Variants in PPP4R4 observed in about 807,000 individuals in gnomAD.
PPP4R4 encodes the protein serine/threonine-protein phosphatase 4 regulatory subunit 4.
A neutral mutation model predicts 121.8 loss-of-function variants in PPP4R4; 70 were observed. The observed-to-expected ratio is 0.57, with a 90% CI of 0.47 to 0.70. PPP4R4 has a LOEUF of 0.70. PPP4R4 is among the 30% of genes least tolerant of loss of function. PPP4R4 has a pLI of 0.00. For missense variants in PPP4R4, 875 were observed against 1,033.6 expected (o/e 0.85, Z 2.10); for synonymous variants, 348 against 355.7 (o/e 0.98, Z 0.24).
At chr14:94,256,660 T>G in intron 17 of PPP4R4, 56 bp downstream of exon 17, 1 of 1,434,094 alleles carries the variant, frequency 7.0e-7, no homozygotes, top group Non-Finnish European at 9.5e-7. Context: ...AGTAAGAATC[T>G]TAGCTTCACT....
chr14:94,213,103 C>G (rs1267907004), intron 3 of PPP4R4, among the ~76,000 whole-genome samples: 1 of 152,146 alleles, frequency 6.6e-6, no homozygotes, highest in African/African-American at 2.4e-5. Context: ...CATAGCAGTT[C>G]TATAATGATC....
intron 16 of PPP4R4, among the ~76,000 whole-genome samples, chr14:94,253,020 G>C (rs1012188894): frequency 1.3e-5 from 2 of 152,128 alleles, no homozygotes; most frequent in Non-Finnish European, 2.9e-5. Context: ...TTTTTAATGG[G>C]AACAAATCTA....
chr14:94,219,574 G>A (rs1891271737), intron 3 of PPP4R4, among the ~76,000 whole-genome samples: 1 of 152,116 alleles, frequency 6.6e-6, no homozygotes, highest in Admixed American at 6.5e-5. Context: ...ATACTCATGA[G>A]CGTAGATGCA....
At chr14:94,199,774 C>T (rs1415798700) in intron 2 of PPP4R4, among the ~76,000 whole-genome samples, 1 of 152,166 alleles carries the variant, frequency 6.6e-6, no homozygotes, top group Non-Finnish European at 1.5e-5. Context: ...CTGCCAGTGC[C>T]TGTTATTGTG....
chr14:94,195,288 A>G (rs1889810955), intron 2 of PPP4R4, among the ~76,000 whole-genome samples: 1 of 152,214 alleles, frequency 6.6e-6, no homozygotes, highest in African/African-American at 2.4e-5. Flanking sequence ...TCCCAGGCCT[A>G]AACAAGACCA....
chr14:94,247,068 A>G (rs947743442), intron 14 of PPP4R4, among the ~76,000 whole-genome samples: 28 of 152,154 alleles, frequency 1.8e-4, no homozygotes, highest in Non-Finnish European at 3.4e-4. Context: ...TGATAACCTT[A>G]TAATTAGTGT....
chr14:94,233,469 A>T (rs1334296699), intron 5 of PPP4R4, among the ~76,000 whole-genome samples, 184 bp from the exon 6 acceptor site: 1 of 152,212 alleles, frequency 6.6e-6, no homozygotes, highest in Non-Finnish European at 1.5e-5. Flanking sequence ...ATTTGTAATT[A>T]TCTTTACCTT....
At chr14:94,184,391 T>C (rs1567102973) in intron 2 of PPP4R4, among the ~76,000 whole-genome samples, 2 of 148,762 alleles carry the variant, frequency 1.3e-5, no homozygotes, top group Non-Finnish European at 3.0e-5. Context: ...CCTGAGTAGC[T>C]GAGACTACAG....
chr14:94,177,681 G>A (rs752120683), intron 2 of PPP4R4, among the ~76,000 whole-genome samples: 6 of 152,130 alleles, frequency 3.9e-5, no homozygotes, highest in African/African-American at 7.2e-5. Flanking sequence ...AGAAGACACC[G>A]TATTCTAAAT....
At chr14:94,265,583 C>A in intron 21 of PPP4R4, 110 bp downstream of exon 21, 1 of 1,002,630 alleles carries the variant, frequency 1.0e-6, no homozygotes, top group South Asian at 1.6e-5. Context: ...ATATCTCATT[C>A]TAAAGCACTT....
At chr14:94,265,740 G>A in intron 21 of PPP4R4, 54 bp from the exon 22 acceptor site, 1 of 1,300,578 alleles carries the variant, frequency 7.7e-7, no homozygotes, top group Admixed American at 1.9e-5. Context: ...ATGGGGGTTG[G>A]AGCAGCCGAG....
At chr14:94,263,190 T>C (rs556247824) in intron 19 of PPP4R4, among the ~76,000 whole-genome samples, 2 of 152,258 alleles carry the variant, frequency 1.3e-5, no homozygotes, top group African/African-American at 4.8e-5. Context: ...GGTCATTGTT[T>C]ATTTAAATAT....
At chr14:94,187,205 G>A (rs1424334260) in intron 2 of PPP4R4, among the ~76,000 whole-genome samples, 3 of 151,908 alleles carry the variant, frequency 2.0e-5, no homozygotes, top group African/African-American at 7.3e-5. Context: ...CCAGCTACTC[G>A]GGAGGCTGAG....
intron 17 of PPP4R4, 88 bp from the exon 18 acceptor site, chr14:94,258,695 A>C: frequency 1.1e-6 from 1 of 930,940 alleles, no homozygotes; most frequent in Non-Finnish European, 1.7e-6. Flanking sequence ...CTTCTATTTG[A>C]ACCTCCATTT....
intron 8 of PPP4R4, among the ~76,000 whole-genome samples, chr14:94,239,605 GT>G (rs1247569643): frequency 6.6e-6 from 1 of 152,008 alleles, no homozygotes; most frequent in African/African-American, 2.4e-5. Context: ...CCCACCGCCT[GT>G]TTTTGTGAAT....
At chr14:94,227,394 T>A (rs778662697) in intron 3 of PPP4R4, 5 of 1,600,898 alleles carry the variant, frequency 3.1e-6, no homozygotes, top group Non-Finnish European at 4.3e-6. Context: ...TATTGAACTC[T>A]TATTGTATTA....
intron 19 of PPP4R4, among the ~76,000 whole-genome samples, chr14:94,262,723 G>A (rs1285816338): frequency 6.6e-6 from 1 of 151,996 alleles, no homozygotes; most frequent in African/African-American, 2.4e-5. Context: ...TTCATTCATT[G>A]CTTAAGATCT....
intron 23 of PPP4R4, among the ~76,000 whole-genome samples, chr14:94,272,949 A>C (rs868733505): frequency 2.0e-5 from 3 of 152,188 alleles, no homozygotes; most frequent in Admixed American, 2.0e-4. Flanking sequence ...AAGCCCCATG[A>C]CACACCTATT....
rs200428549 is a variant in PPP4R4, at chr14:94,251,829, T to A, written c.1798T>A (p.Ser600Thr). The A allele has an allele frequency of 1.3e-6, 2 of 1,598,742 alleles. No individual in the cohort carries two copies. Residue 600 changes from serine (S) to threonine (T), a missense_variant, in exon 16 of 25, where the codon TCA becomes ACA. Ser to Thr is a moderately conservative substitution (Grantham distance 58, BLOSUM62 1). Coordinates refer to ENST00000304338, the MANE Select transcript of PPP4R4 (RefSeq NM_058237.2). The stretch of plus-strand genomic sequence containing the variant: ...ATTTATTATAGAGATATTTTCAAAA[T>A]CATTTTTCTGTAAATATTTCTTTCT... ...CEFIIEIFSK[S>T]FFCKYFFLPA... is the part of the protein sequence containing the mutation.
Sources: allele counts gnomAD v4.1 joint callset (sites outside exome capture counted in the v4.1 genomes callset), GRCh38; gene constraint gnomAD v4.1.1; transcripts MANE v1.5; gene names NCBI Gene and HGNC (gene_info 2026-07-23, HGNC 2026-07-21).